Variants in CALN1 observed in about 807,000 individuals in gnomAD.
The protein encoded by CALN1 is calneuron 1, also known as calcium-binding protein 8.
A neutral mutation model predicts 30.6 loss-of-function variants in CALN1; 17 were observed. The ratio of observed to expected loss-of-function variants is 0.56; its 90% CI spans 0.38 to 0.83. The LOEUF (loss-of-function observed/expected upper bound fraction) is 0.83, where lower values mean the gene tolerates loss of function less well. Ranked by LOEUF, CALN1 falls within the 40% of genes least tolerant of loss-of-function variation. The pLI is 0.00. For missense variants in CALN1, 291 were observed against 354.9 expected (o/e 0.82, Z 1.45); for synonymous variants, 156 against 131.4 (o/e 1.19, Z -1.28).
At chr7:72,046,197 C>T (rs1802459921) in intron 4 of CALN1, among the ~76,000 whole-genome samples, 1 of 151,912 alleles carries the variant, frequency 6.6e-6, no homozygotes, top group Non-Finnish European at 1.5e-5. Context: ...CCGACAGTCA[C>T]AGGTACTCAG....
At chr7:71,903,030 A>C (rs1386827192) in intron 5 of CALN1, among the ~76,000 whole-genome samples, 2 of 151,982 alleles carry the variant, frequency 1.3e-5, no homozygotes, top group Admixed American at 6.6e-5. Flanking sequence ...TTTTTTAAGT[A>C]AAAATTTAAA....
chr7:72,180,479 A>G (rs1225477320), intron 3 of CALN1, among the ~76,000 whole-genome samples: 3 of 144,102 alleles, frequency 2.1e-5, no homozygotes, highest in Admixed American at 1.4e-4. Context: ...AGTGCAATTA[A>G]TTTCTTCCAC....
intron 2 of CALN1, among the ~76,000 whole-genome samples, chr7:72,394,821 GTTTTA>G (rs560228714): frequency 5.9e-5 from 9 of 151,868 alleles, no homozygotes; most frequent in South Asian, 4.2e-4. Context: ...CAACATGCCC[GTTTTA>G]TTTTATTTTT....
At chr7:72,228,731 TTATTTATA>T (rs1306252557) in intron 3 of CALN1, among the ~76,000 whole-genome samples, 1 of 141,850 alleles carries the variant, frequency 7.0e-6, no homozygotes, top group East Asian at 2.1e-4. Flanking sequence ...GTTGGCTACC[TTATTTATA>T]TATTTATTTA....
At chr7:72,236,070 C>A (rs1340262170) in intron 3 of CALN1, among the ~76,000 whole-genome samples, 1 of 119,554 alleles carries the variant, frequency 8.4e-6, no homozygotes, top group Non-Finnish European at 1.7e-5. Context: ...ATAATGAGCC[C>A]ATTCTCCACA....
At chr7:72,285,890 C>T (rs543672795) in intron 2 of CALN1, among the ~76,000 whole-genome samples, 3 of 152,256 alleles carry the variant, frequency 2.0e-5, no homozygotes, top group Non-Finnish European at 4.4e-5. Context: ...CTCCAATTAC[C>T]AGACATACAA....
intron 5 of CALN1, among the ~76,000 whole-genome samples, chr7:72,004,697 A>G (rs999583873): frequency 6.6e-6 from 1 of 152,208 alleles, no homozygotes; most frequent in African/African-American, 2.4e-5. Context: ...ACAAAACAAA[A>G]CAAAACAAAA....
the CALN1 span, among the ~76,000 whole-genome samples, chr7:72,465,468 A>G: frequency 3.9e-5 from 6 of 152,152 alleles, no homozygotes; most frequent in Admixed American, 3.3e-4. Flanking sequence ...TGGGGCTTTA[A>G]GACGTGGCCT....
At chr7:72,289,767 T>TGAAAAA (rs1798346282) in intron 2 of CALN1, among the ~76,000 whole-genome samples, 1 of 152,020 alleles carries the variant, frequency 6.6e-6, no homozygotes, top group African/African-American at 2.4e-5. Context: ...TTTCACTTAT[T>TGAAAAA]TCATTGTAAG....
At chr7:72,283,424 A>C (rs1797866018) in intron 2 of CALN1, among the ~76,000 whole-genome samples, 2 of 152,028 alleles carry the variant, frequency 1.3e-5, no homozygotes, top group Non-Finnish European at 1.5e-5. Flanking sequence ...AGTCATAGCT[A>C]CTCCGGAGGC....
chr7:72,148,113 A>C (rs191195769), intron 3 of CALN1, among the ~76,000 whole-genome samples: 3,887 of 149,504 alleles, frequency 0.026, 185 homozygotes, highest in African/African-American at 0.09. Context: ...AAAAAAAAAA[A>C]CAACCAACCA....
chr7:72,409,342 T>TA (rs1200617261), intron 1 of CALN1, among the ~76,000 whole-genome samples: 1 of 151,590 alleles, frequency 6.6e-6, no homozygotes. Context: ...TGCACCAGAT[T>TA]GGTTGCTGAA....
chr7:72,452,356 G>A, the CALN1 span, among the ~76,000 whole-genome samples: 1 of 152,116 alleles, frequency 6.6e-6, no homozygotes, highest in Non-Finnish European at 1.5e-5. Flanking sequence ...CCTGGAGTAA[G>A]GTGTTTGGGT....
intron 5 of CALN1, among the ~76,000 whole-genome samples, chr7:71,925,521 C>T (rs1209825768): frequency 2.7e-5 from 4 of 147,282 alleles, no homozygotes; most frequent in Admixed American, 2.0e-4. Flanking sequence ...GTTGTTTGGT[C>T]TGGAAAGTCA....
intron 4 of CALN1, among the ~76,000 whole-genome samples, chr7:72,092,486 T>C (rs1805934517): frequency 6.7e-6 from 1 of 149,758 alleles, no homozygotes; most frequent in South Asian, 2.1e-4. Flanking sequence ...ATTCAAATTC[T>C]GTTACTTTGC....
intron 5 of CALN1, among the ~76,000 whole-genome samples, chr7:71,886,479 T>G (rs185499650): frequency 6.6e-6 from 1 of 152,152 alleles, no homozygotes; most frequent in Non-Finnish European, 1.5e-5. Flanking sequence ...GGTCAATTAT[T>G]GCAAGCCTTC....
At chr7:72,376,885 C>T (rs976524491) in intron 2 of CALN1, among the ~76,000 whole-genome samples, 4 of 152,176 alleles carry the variant, frequency 2.6e-5, no homozygotes, top group African/African-American at 9.7e-5. Flanking sequence ...AGGTATCCAA[C>T]TTTCTGTATT....
At chr7:71,958,281 T>A (rs1417594970) in intron 5 of CALN1, among the ~76,000 whole-genome samples, 2 of 152,128 alleles carry the variant, frequency 1.3e-5, no homozygotes, top group Non-Finnish European at 2.9e-5. Flanking sequence ...CAGTATCTAC[T>A]GTTCCCCTCT....
At chr7:72,461,927 G>A in the CALN1 span, among the ~76,000 whole-genome samples, 8 of 152,094 alleles carry the variant, frequency 5.3e-5, no homozygotes, top group Non-Finnish European at 5.9e-5. Flanking sequence ...AGAATTGCTT[G>A]AGCCCGGGAG....
Sources: gnomAD v4.1 joint callset for allele counts (sites outside exome capture counted in the v4.1 genomes callset) on GRCh38, gnomAD v4.1.1 for gene constraint, MANE v1.5 for transcripts, NCBI Gene and HGNC (gene_info 2026-07-23, HGNC 2026-07-21) for gene names.